Variants in PARVG observed in about 807,000 individuals in gnomAD.
PARVG encodes the protein parvin gamma.
PARVG carries 36 observed loss-of-function variants against 44.4 expected under a neutral mutation model. The observed-to-expected ratio is 0.81, with a 90% CI of 0.62 to 1.07. PARVG has a LOEUF of 1.07. Ranked by LOEUF, PARVG falls within the 50% of genes least tolerant of loss-of-function variation. The pLI, the probability that PARVG is intolerant of heterozygous loss-of-function variation, is 0.00. For missense variants in PARVG, 407 were observed against 407.4 expected, an observed-to-expected ratio of 1.00 and a Z score of 0.01; for synonymous variants, 170 against 174.1, an observed-to-expected ratio of 0.98 and a Z score of 0.19.
intron 1 of PARVG, 166 bp downstream of exon 1, chr22:44,181,351 G>A (rs769691485): frequency 5.1e-5 from 50 of 985,370 alleles, no homozygotes; most frequent in Non-Finnish European, 6.0e-5. Context: ...GCGTGGGGAA[G>A]TCTGCAGCCG....
intron 1 of PARVG, chr22:44,181,502 G>A: frequency 2.8e-6 from 2 of 709,146 alleles, no homozygotes; most frequent in Non-Finnish European, 3.5e-6. Flanking sequence ...GGTTGCGGGG[G>A]TCGACCCCAG....
intron 1 of PARVG, 151 bp from the exon 2 acceptor site, chr22:44,181,591 G>A (rs1164685876): frequency 1.6e-6 from 1 of 619,274 alleles, no homozygotes; most frequent in Non-Finnish European, 2.0e-6. Context: ...GGCGGGGAGA[G>A]GGGGAGAAAT....
upstream of PARVG, among the ~76,000 whole-genome samples, chr22:44,178,888 T>C (rs919013546): frequency 2.0e-5 from 3 of 152,210 alleles, no homozygotes; most frequent in Non-Finnish European, 4.4e-5. Context: ...TTTTCTTAGG[T>C]ATCATAATGG....
upstream of PARVG, among the ~76,000 whole-genome samples, chr22:44,179,335 G>T (rs142201804): frequency 1.4e-3 from 213 of 152,322 alleles, no homozygotes; most frequent in Middle Eastern, 3.4e-3. This position sits in a 1 kb window ranked among gnomAD's most constrained non-coding sequence, Gnocchi z 4.2. Context: ...TTTCGCATCT[G>T]ATTCTTACAT....
chr22:44,189,901 GA>G (rs2147226670), intron 6 of PARVG, among the ~76,000 whole-genome samples: 1 of 152,274 alleles, frequency 6.6e-6, no homozygotes, highest in South Asian at 2.1e-4. Context: ...TGGGCTACAA[GA>G]GTGAGACTCC....
intron 4 of PARVG, 88 bp from the exon 5 acceptor site, chr22:44,187,688 G>A: frequency 8.2e-7 from 1 of 1,212,702 alleles, no homozygotes; most frequent in Non-Finnish European, 1.2e-6. Context: ...GTAGGAGTTG[G>A]CAGGCGAGAG....
upstream of PARVG, among the ~76,000 whole-genome samples, chr22:44,179,796 T>C (rs2054353089): frequency 7.1e-6 from 1 of 141,650 alleles, no homozygotes; most frequent in East Asian, 2.0e-4. The surrounding 1 kb of genome is among the most constrained non-coding windows in gnomAD (Gnocchi z 4.2). Flanking sequence ...TCTTCAGTTG[T>C]TTGGAGGAGA....
chr22:44,183,663 G>C, intron 3 of PARVG: 1 of 450,008 alleles, frequency 2.2e-6, no homozygotes, highest in Non-Finnish European at 3.9e-6. Context: ...CTCATCCTGT[G>C]AGCCTTCTGA....
At chr22:44,196,477 G>C in intron 11 of PARVG, 62 bp downstream of exon 11, 1 of 1,583,578 alleles carries the variant, frequency 6.3e-7, no homozygotes, top group Non-Finnish European at 8.6e-7. Flanking sequence ...GAAGGAAAGA[G>C]GGTTCTGCAG....
rs757247335 is a variant in PARVG at position 44,205,783 on chromosome 22, G to A, written c.840G>A (p.Glu280=). ...EMLHNVTLAL[E]LLKDEGLLSC... Reference sequence around the variant, plus strand: ...TGCACAACGTCACCCTGGCGCTGGAGCTGCTGAAGGACGAGGGCCTGCTCA... The same window carrying A: ...TGCACAACGTCACCCTGGCGCTGGAACTGCTGAAGGACGAGGGCCTGCTCA... The change falls in exon 13 of 14, where the codon GAG becomes GAA. Residue 280 remains glutamate (E), a synonymous_variant. Coordinates refer to ENST00000444313, the MANE Select transcript of PARVG (RefSeq NM_022141.7). 13 of 1,613,546 alleles carry A rather than the reference G, an allele frequency of 8.1e-6. No individual in the cohort carries two copies. The African/African-American group carries it at 1.3e-4, about 17-fold the overall frequency.
rs1453241612 is a variant in PARVG at position 44,185,563 on chromosome 22, A to G, written c.80-245A>G. The G allele has an allele frequency of 7.1e-6, 3 of 424,036 alleles. 1 individual carries two copies. The highest frequency in any genetic ancestry group is 1.3e-5 in the Non-Finnish European group (3 of 227,742). 26.3% of individuals were successfully genotyped at this position (424,036 alleles called of 1,614,324 possible). A position where few individuals can be genotyped will look rare whatever the true frequency, so the allele number is the denominator to read the frequency against. The stretch of plus-strand genomic sequence containing the variant: ...CAGATATATCAAACATAGGATACCC[A>G]GTTAACTTTGAATGTCAAGTAATCA... On this transcript the variant is annotated intron_variant, in intron 3 of 13. Transcript: ENST00000444313.
chr22:44,196,137 T>C lies in PARVG; in HGVS notation c.584-18T>C, dbSNP rs746278387. ...TAATAGCATCGTAATGAGGTGTTTATTGGATCTGTGTCTGCAGAGGACGTC... is the reference window on the plus strand; with the variant it reads ...TAATAGCATCGTAATGAGGTGTTTACTGGATCTGTGTCTGCAGAGGACGTC... On this transcript the variant is annotated intron_variant, in intron 9 of 13. Coordinates refer to ENST00000444313, the MANE Select transcript of PARVG (RefSeq NM_022141.7). 1.2e-6 allele frequency: 2 copies of C among 1,614,058 alleles called. No homozygotes were observed. The highest frequency in any genetic ancestry group is 1.7e-6 in the Non-Finnish European group (2 of 1,179,930).
intron 11 of PARVG, among the ~76,000 whole-genome samples, chr22:44,197,962 A>G (rs2054640522): frequency 6.6e-6 from 1 of 152,212 alleles, no homozygotes; most frequent in Non-Finnish European, 1.5e-5. Flanking sequence ...GGTGGTATTT[A>G]GAGACTGTTC....
At chr22:44,180,236 A>C (rs2054357953), upstream of PARVG, among the ~76,000 whole-genome samples, 1 of 152,112 alleles carries the variant, frequency 6.6e-6, no homozygotes, top group Non-Finnish European at 1.5e-5. Context: ...GGGCTCTGCC[A>C]CCCACTCCCT....
At chr22:44,188,149 T>C (rs1431442630) in intron 5 of PARVG, 1 of 505,204 alleles carries the variant, frequency 2.0e-6, no homozygotes, top group South Asian at 2.2e-5. Context: ...CTAACACTTA[T>C]TGAGTGCCTG....
chr22:44,183,373 G>C lies in PARVG; in HGVS notation c.44G>C (p.Gly15Ala), dbSNP rs146468235. The change falls in exon 3 of 14, where the codon GGG (glycine) becomes GCG (alanine). Residue 15 changes from glycine to alanine, a missense_variant. Physicochemically the swap from Gly to Ala is moderately conservative, Grantham distance 60. Coordinates refer to ENST00000444313, the MANE Select transcript of PARVG (RefSeq NM_022141.7). ...TACGACCTGCTGCAGCTCCCCAAGG[G>C]GGTGGAGCCCCCAGCGGAGGAGGAG... ...FLYDLLQLPK[G>A]VEPPAEEELS... 5.1e-3 allele frequency: 8,143 copies of C among 1,609,836 alleles called. 24 individuals carry two copies. Among genetic ancestry groups the C allele is most frequent in the Non-Finnish European group, 6.2e-3 (7,297 of 1,178,784 alleles).
chr22:44,201,369 C>T lies in PARVG; in HGVS notation c.813+2647C>T, dbSNP rs997177256. Among the ~76,000 whole-genome samples the T allele has an allele frequency of 3.3e-5, 5 of 152,340 alleles. No individual in the cohort carries two copies. The South Asian group carries it at 8.3e-4, about 25-fold the overall frequency. On this transcript the variant is annotated intron_variant, in intron 12 of 13. Transcript: ENST00000444313. ...GGCCCGAGAGGCTTACCCAGTACCA[C>T]CCAGCTGCTCAATGGCAGCCTCACA...
Position 44,206,484 on chromosome 22 carries a change from C to A in PARVG, c.*58C>A. 6.7e-7 allele frequency: 1 copy of A among 1,489,964 alleles called. No individual in the cohort carries two copies. Among genetic ancestry groups the A allele is most frequent in the Non-Finnish European group, 9.4e-7 (1 of 1,068,352 alleles). The allele number at this position is 1,489,964 out of a possible 1,614,324, so 92.3% of individuals were successfully genotyped here. A position where few individuals can be genotyped will look rare whatever the true frequency, so the allele number is the denominator to read the frequency against. On this transcript the variant is annotated 3_prime_UTR_variant, in exon 14 of 14. Transcript: ENST00000444313. Reference sequence around the variant, plus strand: ...GTCAGCCCAGCTGGAGGGCCCGAGGCTGCAGGGTGTCCTCCCACAGTCCCG... The same window carrying A: ...GTCAGCCCAGCTGGAGGGCCCGAGGATGCAGGGTGTCCTCCCACAGTCCCG...
At chr22:44,196,610 G>GT (rs1029882286) in intron 11 of PARVG, among the ~76,000 whole-genome samples, 195 bp downstream of exon 11, 14 of 151,996 alleles carry the variant, frequency 9.2e-5, no homozygotes, top group Admixed American at 6.6e-5. Context: ...GGATCCCGGG[G>GT]GTGGAGGTGT....
Sources: gnomAD v4.1 joint callset for allele counts (sites outside exome capture counted in the v4.1 genomes callset) on GRCh38, gnomAD v4.1.1 for gene constraint, Gnocchi (gnomAD v3.1) non-coding constraint, MANE v1.5 for transcripts, NCBI Gene and HGNC (gene_info 2026-07-23, HGNC 2026-07-21) for gene names.